Variants in TRPA1 observed in about 807,000 individuals in gnomAD.
The protein encoded by TRPA1 is transient receptor potential cation channel subfamily A member 1.
TRPA1 carries 129 observed loss-of-function variants against 131.3 expected under a neutral mutation model. The ratio of observed to expected loss-of-function variants is 0.98; its 90% CI spans 0.85 to 1.14. The LOEUF (loss-of-function observed/expected upper bound fraction) is 1.14, where lower values mean the gene tolerates loss of function less well. Among genes scored for constraint, TRPA1 ranks in the 50% most tolerant of loss-of-function variants. The pLI is 0.00. For missense variants in TRPA1, 1,304 were observed against 1,354.2 expected, an observed-to-expected ratio of 0.96 and a Z score of 0.58; for synonymous variants, 441 against 451.7, an observed-to-expected ratio of 0.98 and a Z score of 0.30.
At position 72,062,839 on chromosome 8, in the gene TRPA1, T is replaced by C. The variant is rs557531798; in HGVS notation, c.767A>G (p.Lys256Arg). The part of the protein sequence containing the change: ...AVQNGDLEMI[K>R]MCLDNGAQID... ...TTGTGCACCATTGTCCAGGCACATT[T>C]TGATCATTTCCAAGTCACCATTTTG... Residue 256 changes from lysine (K) to arginine (R), a missense_variant, in exon 6 of 27, where the codon AAA becomes AGA. Physicochemically the swap from Lys to Arg is conservative, Grantham distance 26. Coordinates refer to ENST00000262209, the MANE Select transcript of TRPA1 (RefSeq NM_007332.3). 5.8e-5 allele frequency: 94 copies of C among 1,614,062 alleles called. No homozygotes were observed. The South Asian group carries it at 9.0e-4, about 15-fold the overall frequency.
chr8:72,039,162 ATCT>A (rs1448447068), intron 18 of TRPA1, 135 bp from the exon 19 acceptor site: 16 of 855,862 alleles, frequency 1.9e-5, no homozygotes, highest in Admixed American at 6.4e-5. Flanking sequence ...GATCAAGTAA[ATCT>A]TCTAATTCAC....
At chr8:72,069,491 T>G (rs1806008326) in intron 2 of TRPA1, among the ~76,000 whole-genome samples, 1 of 152,186 alleles carries the variant, frequency 6.6e-6, no homozygotes, top group Non-Finnish European at 1.5e-5. Context: ...GTTTTGGGAT[T>G]GTAATAAAAT....
At chr8:72,065,316 C>CT in intron 4 of TRPA1, 135 bp downstream of exon 4, 1 of 802,436 alleles carries the variant, frequency 1.2e-6, no homozygotes, top group South Asian at 1.8e-5. Flanking sequence ...CATAGAAAAA[C>CT]TTTTTTCCTG....
chr8:72,085,226 A>G, the TRPA1 span, among the ~76,000 whole-genome samples: 1 of 152,258 alleles, frequency 6.6e-6, no homozygotes, highest in South Asian at 2.1e-4. Flanking sequence ...ATATGGCTGA[A>G]GTTCCATTTA....
At chr8:72,053,972 A>C (rs1433685817) in intron 12 of TRPA1, 105 bp from the exon 13 acceptor site, 1 of 758,446 alleles carries the variant, frequency 1.3e-6, no homozygotes, top group Non-Finnish European at 2.3e-6. Context: ...AACAAAAAGC[A>C]TTATTGAGAT....
At chr8:72,055,948 A>C (rs1270861868) in intron 10 of TRPA1, 93 bp from the exon 11 acceptor site, 3 of 1,289,148 alleles carry the variant, frequency 2.3e-6, no homozygotes, top group Non-Finnish European at 3.3e-6. Flanking sequence ...TTTTCCAACA[A>C]GGGTCAATAT....
Position 72,069,145 on chromosome 8 carries a change from T to C in TRPA1, c.322A>G (p.Lys108Glu). 3.1e-6 allele frequency: 5 copies of C among 1,614,258 alleles called. No individual in the cohort carries two copies. Among genetic ancestry groups the C allele is most frequent in the Non-Finnish European group, 4.2e-6 (5 of 1,180,054 alleles). The change falls in exon 3 of 27, where the codon AAA becomes GAA. Residue 108 changes from lysine to glutamate, a missense_variant. Coordinates refer to ENST00000262209, the MANE Select transcript of TRPA1 (RefSeq NM_007332.3). ...AACTTAACGCTTTCAATTTGGTTTT[T>C]TTCTACAGCACAATGCAGAGGGGTA... Reference protein sequence around the residue: ...GNTPLHCAVEKNQIESVKFLL... With the variant: ...GNTPLHCAVEENQIESVKFLL...
chr8:72,057,799 C>G lies in TRPA1; in HGVS notation c.1011G>C (p.Lys337Asn). 2 of 1,613,434 alleles carry G rather than the reference C, an allele frequency of 1.2e-6. No individual in the cohort carries two copies. The highest frequency in any genetic ancestry group is 3.3e-4 in the Middle Eastern group (2 of 6,056). Residue 337 changes from lysine (K) to asparagine (N), a missense_variant, in exon 9 of 27, where the codon AAG (lysine) becomes AAC (asparagine). Physicochemically the swap from Lys to Asn is moderately conservative, Grantham distance 94 (BLOSUM62 0). Transcript: ENST00000262209. ...YLISVGADIN[K>N]IDSEGRSPLI... Reference sequence around the variant, plus strand: ...GTGGAGAGCGTCCTTCAGAATCGATCTTATTAATATCTGCTCCCTAAAAAT... The same window carrying G: ...GTGGAGAGCGTCCTTCAGAATCGATGTTATTAATATCTGCTCCCTAAAAAT...
At chr8:72,026,314 G>C (rs1007311907) in intron 24 of TRPA1, among the ~76,000 whole-genome samples, 3 of 152,228 alleles carry the variant, frequency 2.0e-5, no homozygotes, top group Non-Finnish European at 2.9e-5. Flanking sequence ...AGGAGAGGGG[G>C]AAGTTGCTTA....
rs769931136 is a variant in TRPA1 at position 72,034,341 on chromosome 8, C to G, written c.2592G>C (p.Glu864Asp). 12 of 1,555,114 alleles carry G rather than the reference C, an allele frequency of 7.7e-6. 1 individual carries two copies. In the South Asian group the frequency reaches 1.3e-4, roughly 17 times the overall value. ...ACCTCAACAAAGTTTTCAAAATTAC[C>G]TCCAACATAACAATAAAAATTCCAC... ...ENCGIFIVML[E>D]VILKTLLRST... Residue 864 changes from glutamate (E) to aspartate (D), a missense_variant, in exon 22 of 27, where the codon GAG becomes GAC. Glu to Asp is a conservative substitution (Grantham distance 45). Transcript: ENST00000262209.
chr8:72,062,948 G>A lies in TRPA1; in HGVS notation c.662-4C>T. 6.2e-7 allele frequency: 1 copy of A among 1,613,168 alleles called. No individual in the cohort carries two copies. The highest frequency in any genetic ancestry group is 8.5e-7 in the Non-Finnish European group (1 of 1,179,498). On this transcript the variant is annotated splice_region_variant and splice_polypyrimidine_tract_variant and intron_variant, in intron 5 of 26. Coordinates refer to ENST00000262209, the MANE Select transcript of TRPA1 (RefSeq NM_007332.3). ...CTACTGTACCCATGCTCTTCACCTT[G>A]AGAAGAAAATAACATTCAACATAAC...
Position 72,061,746 on chromosome 8 carries a change from C to T in TRPA1, c.823G>A (p.Ala275Thr). The change falls in exon 7 of 27, where the codon GCC becomes ACC. Residue 275 changes from alanine to threonine, a missense_variant. Transcript: ENST00000262209. Reference sequence around the variant, plus strand: ...CCCTGGGTGGCAGCAAAATGAATGGCTGTGCACCTTCCCTTCTGTAAAGGG... The same window carrying T: ...CCCTGGGTGGCAGCAAAATGAATGGTTGTGCACCTTCCCTTCTGTAAAGGG... ...IDPVEKGRCT[A>T]IHFAATQGAT... The T allele has an allele frequency of 6.2e-7, 1 of 1,613,966 alleles. No individual in the cohort carries two copies. The highest frequency in any genetic ancestry group is 8.5e-7 in the Non-Finnish European group (1 of 1,179,900).
In TRPA1 at chr8:72,056,325, T is replaced by G. The variant is rs35503104; in HGVS notation, c.1195-470A>C. 1,683 of 173,430 alleles carry G rather than the reference T, an allele frequency of 9.7e-3. 20 individuals carry two copies. Among genetic ancestry groups the G allele is most frequent in the Middle Eastern group, 0.03 (10 of 338 alleles). The allele number at this position is 173,430 out of a possible 1,614,324, so 10.7% of individuals were successfully genotyped here. On this transcript the variant is annotated intron_variant, in intron 10 of 26. Transcript: ENST00000262209. ...AAAAAATGAATGATAAATGAGAAGC[T>G]TAAGCCTATCAATTAATATTTTGTT...
chr8:72,043,220 C>T (rs985733128), intron 17 of TRPA1, among the ~76,000 whole-genome samples: 3 of 151,790 alleles, frequency 2.0e-5, no homozygotes, highest in African/African-American at 7.3e-5. Context: ...GTACATCCTT[C>T]CAAATCCTTT....
At chr8:72,042,371 T>C (rs1273929661) in intron 17 of TRPA1, among the ~76,000 whole-genome samples, 1 of 151,898 alleles carries the variant, frequency 6.6e-6, no homozygotes, top group Non-Finnish European at 1.5e-5. Context: ...AGATACCACT[T>C]CGCATCCGTT....
intron 3 of TRPA1, among the ~76,000 whole-genome samples, chr8:72,067,727 C>T (rs1482271924): frequency 6.6e-6 from 1 of 152,110 alleles, no homozygotes; most frequent in Admixed American, 6.6e-5. Flanking sequence ...ACTAGTGGCC[C>T]AACCCAGATG....
the TRPA1 span, among the ~76,000 whole-genome samples, chr8:72,089,569 C>T: frequency 6.6e-6 from 1 of 152,054 alleles, no homozygotes; most frequent in Non-Finnish European, 1.5e-5. Context: ...TCTATAAAGA[C>T]ATTCTTGTTT....
upstream of TRPA1, among the ~76,000 whole-genome samples, chr8:72,077,182 TAA>T (rs1008916287): frequency 3.3e-5 from 5 of 151,616 alleles, no homozygotes; most frequent in Non-Finnish European, 5.9e-5. Context: ...AAAAACTGAA[TAA>T]AGAGGATGTT....
At chr8:72,030,072 T>C (rs1226523754) in intron 23 of TRPA1, 103 bp from the exon 24 acceptor site, 2 of 1,054,208 alleles carry the variant, frequency 1.9e-6, no homozygotes. Flanking sequence ...CAAAATATTT[T>C]AGTCTGGGTA....
Sources: gnomAD v4.1 joint callset for allele counts (sites outside exome capture counted in the v4.1 genomes callset) on GRCh38, gnomAD v4.1.1 for gene constraint, MANE v1.5 for transcripts, NCBI Gene and HGNC (gene_info 2026-07-23, HGNC 2026-07-21) for gene names.